Variants in TMEM72 observed in about 807,000 individuals in gnomAD.
TMEM72 encodes the protein kidney-specific secretory protein of 37 kDa.
A neutral mutation model predicts 16.3 loss-of-function variants in TMEM72; 9 were observed. That is an observed-to-expected ratio of 0.55 (90% CI 0.33 to 0.96). The LOEUF (loss-of-function observed/expected upper bound fraction) is 0.96, where lower values mean the gene tolerates loss of function less well. Among genes scored for constraint, TMEM72 ranks in the 40% least tolerant of loss-of-function variants. The pLI is 0.03. For missense variants in TMEM72, 324 were observed against 337.8 expected (o/e 0.96, Z 0.32); for synonymous variants, 160 against 146.5 (o/e 1.09, Z -0.66).
chr10:44,917,410 C>G (rs922007537), intron 1 of TMEM72, among the ~76,000 whole-genome samples: 1 of 152,094 alleles, frequency 6.6e-6, no homozygotes. Context: ...ACTCATGAGG[C>G]TGGAAGGAGG....
intron 2 of TMEM72, among the ~76,000 whole-genome samples, chr10:44,931,102 A>G (rs949256854): frequency 6.6e-6 from 1 of 152,196 alleles, no homozygotes; most frequent in African/African-American, 2.4e-5. Context: ...ATATGGTACC[A>G]CATGGAGAAG....
intron 1 of TMEM72, among the ~76,000 whole-genome samples, chr10:44,912,962 G>T (rs1013345282): frequency 1.3e-5 from 2 of 152,174 alleles, no homozygotes; most frequent in African/African-American, 4.8e-5. Context: ...CCAGCCCGGA[G>T]CCCTGGTCCT....
intron 1 of TMEM72, among the ~76,000 whole-genome samples, chr10:44,912,548 G>A (rs1349198156): frequency 6.6e-6 from 1 of 152,216 alleles, no homozygotes; most frequent in Non-Finnish European, 1.5e-5. Flanking sequence ...CATAGTGCTT[G>A]TTCCTGCCCC....
chr10:44,933,034 C>G (rs7070914), intron 3 of TMEM72, among the ~76,000 whole-genome samples: 1 of 152,302 alleles, frequency 6.6e-6, no homozygotes, highest in African/African-American at 2.4e-5. Flanking sequence ...GGCGCTGGGT[C>G]TAAAGGCAGG....
At chr10:44,914,519 G>A (rs1409282612) in intron 1 of TMEM72, among the ~76,000 whole-genome samples, 1 of 152,230 alleles carries the variant, frequency 6.6e-6, no homozygotes, top group Non-Finnish European at 1.5e-5. Flanking sequence ...GCCGCCCATG[G>A]AAGCAGACAC....
At chr10:44,921,871 G>A (rs748859765) in intron 1 of TMEM72, among the ~76,000 whole-genome samples, 1 of 152,362 alleles carries the variant, frequency 6.6e-6, no homozygotes, top group East Asian at 1.9e-4. Flanking sequence ...GAGGGAGGGA[G>A]TACCACCTTG....
At chr10:44,924,471 C>G (rs576551313) in intron 1 of TMEM72, among the ~76,000 whole-genome samples, 2 of 152,232 alleles carry the variant, frequency 1.3e-5, no homozygotes, top group African/African-American at 4.8e-5. Context: ...CAGTGCCTGG[C>G]CCAACCGGTA....
intron 1 of TMEM72, chr10:44,922,946 T>C (rs892795294): frequency 1.3e-5 from 2 of 152,296 alleles, no homozygotes; most frequent in African/African-American, 4.8e-5. Flanking sequence ...CTGAATTAGC[T>C]GCTTTTCCAG....
chr10:44,930,654 C>T (rs1840281864), intron 2 of TMEM72, among the ~76,000 whole-genome samples: 1 of 152,148 alleles, frequency 6.6e-6, no homozygotes, highest in Admixed American at 6.5e-5. Flanking sequence ...GTTAGGCTCA[C>T]ACTGGGAGGC....
chr10:44,925,024 TC>T (rs765833795), intron 1 of TMEM72, among the ~76,000 whole-genome samples: 9 of 152,166 alleles, frequency 5.9e-5, no homozygotes, highest in Non-Finnish European at 1.2e-4. Context: ...CATTTCAGAC[TC>T]CAATCCAAGC....
At chr10:44,929,400 G>T (rs1021386752) in intron 2 of TMEM72, among the ~76,000 whole-genome samples, 14 of 152,166 alleles carry the variant, frequency 9.2e-5, no homozygotes, top group African/African-American at 3.4e-4. Flanking sequence ...ATAACAATTT[G>T]CCAGGCTGCC....
Position 44,933,786 on chromosome 10 carries a change from CA to C in TMEM72, c.349+11del. On this transcript the variant is annotated intron_variant, in intron 4 of 4. Coordinates refer to ENST00000389583, the MANE Select transcript of TMEM72 (RefSeq NM_001123376.3). ...CACGTGACCATCCCAGGTAAGAGCA[CA>C]GGGGTAGAGATATGCAGCCCCAGCA... is the stretch of plus-strand genomic sequence containing the variant. 2 of 1,611,548 alleles carry C rather than the reference CA, an allele frequency of 1.2e-6. No individual in the cohort carries two copies. Among genetic ancestry groups the C allele is most frequent in the Non-Finnish European group, 1.7e-6 (2 of 1,178,372 alleles).
At chr10:44,933,958 T>C (rs1267227885) in intron 4 of TMEM72, among the ~76,000 whole-genome samples, 182 bp downstream of exon 4, 2 of 152,096 alleles carry the variant, frequency 1.3e-5, no homozygotes, top group East Asian at 3.9e-4. Flanking sequence ...TCCATGCTGA[T>C]CAAATGGCAG....
intron 1 of TMEM72, 43 bp downstream of exon 1, chr10:44,911,625 C>T: frequency 6.5e-7 from 1 of 1,542,990 alleles, no homozygotes; most frequent in Non-Finnish European, 8.7e-7. Context: ...CACACTGGCA[C>T]CACAGATAGG....
chr10:44,913,723 T>C (rs1427800664), intron 1 of TMEM72, among the ~76,000 whole-genome samples: 2 of 152,246 alleles, frequency 1.3e-5, no homozygotes, highest in African/African-American at 4.8e-5. Flanking sequence ...CTCGAGTTTC[T>C]TCCAGCATCA....
Position 44,913,559 on chromosome 10 carries a change from G to T in TMEM72, c.70+1977G>T, listed in dbSNP as rs979224298. Reference sequence around the variant, plus strand: ...GGGACTGCTGTTAATGCTGAGAATGGGCCTCCCTCTTGGTTTTGATAGGAG... The same window carrying T: ...GGGACTGCTGTTAATGCTGAGAATGTGCCTCCCTCTTGGTTTTGATAGGAG... On this transcript the variant is annotated intron_variant, in intron 1 of 4. Transcript: ENST00000389583. Among the ~76,000 whole-genome samples the T allele has an allele frequency of 3.3e-5, 5 of 152,188 alleles. 1 individual carries two copies. The South Asian group carries it at 1.0e-3, about 32-fold the overall frequency.
chr10:44,935,010 TC>T lies in TMEM72; in HGVS notation c.705del (p.Ala236ProfsTer85), dbSNP rs776467255. ...AACTTGGTCCGCATAGTCCCCTCCC[TC>T]GCCGAAGGTCTGGATGATGGGGACA... ...EDNLVRIVPS[L>X]AEGLDDGDSE... On this transcript the variant is annotated frameshift_variant, in exon 5 of 5. Coordinates refer to ENST00000389583, the MANE Select transcript of TMEM72 (RefSeq NM_001123376.3). LOFTEE classifies it low-confidence loss of function (END_TRUNC). The T allele has an allele frequency of 2.5e-6, 4 of 1,613,858 alleles. No individual in the cohort carries two copies. The East Asian group carries it at 8.9e-5, about 36-fold the overall frequency.
intron 1 of TMEM72, among the ~76,000 whole-genome samples, chr10:44,927,695 T>C (rs941106202): frequency 2.0e-5 from 3 of 152,202 alleles, no homozygotes; most frequent in Non-Finnish European, 4.4e-5. Flanking sequence ...GGAAGCTTAA[T>C]CAGAAGACCT....
At position 44,935,068 on chromosome 10, in the gene TMEM72, A is replaced by G; in HGVS notation, c.762A>G (p.Thr254=). 1 of 1,613,142 alleles carries G rather than the reference A, an allele frequency of 6.2e-7. No homozygotes were observed. Among genetic ancestry groups the G allele is most frequent in the Non-Finnish European group, 8.5e-7 (1 of 1,179,734 alleles). ...CAGAGGAGACCACCTCTGACACGAC[A>G]CCCATCATTCCCCCTCCCCAGGCCC... ...SEPEETTSDT[T]PIIPPPQAPL... is the part of the protein sequence containing the mutation. Residue 254 remains threonine, a synonymous_variant, in exon 5 of 5, where the codon ACA becomes ACG. Coordinates refer to ENST00000389583, the MANE Select transcript of TMEM72 (RefSeq NM_001123376.3).
Sources: allele counts gnomAD v4.1 joint callset (sites outside exome capture counted in the v4.1 genomes callset), GRCh38; gene constraint gnomAD v4.1.1; transcripts MANE v1.5; gene names NCBI Gene and HGNC (gene_info 2026-07-23, HGNC 2026-07-21).